The following INPP4B variants were observed in gnomAD, a reference collection of about 807,000 sequenced individuals.
The protein encoded by INPP4B is inositol polyphosphate-4-phosphatase type II B.
INPP4B carries 55 observed loss-of-function variants against 122.5 expected under a neutral mutation model. The observed-to-expected ratio is 0.45, with a 90% CI of 0.36 to 0.56. The LOEUF is 0.56. Ranked by LOEUF, INPP4B falls within the 20% of genes least tolerant of loss-of-function variation. INPP4B has a pLI of 0.00. For missense variants in INPP4B, 1,000 were observed against 1,097.7 expected (o/e 0.91, Z 1.26); for synonymous variants, 403 against 388.7 (o/e 1.04, Z -0.43).
rs182031523 is a variant in INPP4B, at chr4:142,798,877, A to T, written c.-254+47332T>A. Reference sequence around the variant, plus strand: ...GTGTGTGTGTGTGTGTGTATAAAGTATACTAAAGTTATAGCCTTAACTAAT... The same window carrying T: ...GTGTGTGTGTGTGTGTGTATAAAGTTTACTAAAGTTATAGCCTTAACTAAT... On this transcript the variant is annotated intron_variant, in intron 1 of 25. Transcript: ENST00000262992. 5.2e-3 allele frequency among the ~76,000 whole-genome samples: 771 copies of T among 148,854 alleles called. 9 individuals carry two copies. Among genetic ancestry groups the T allele is most frequent in the African/African-American group, 0.018 (733 of 40,930 alleles).
chr4:142,207,007 A>G (rs757010807), intron 14 of INPP4B, among the ~76,000 whole-genome samples: 7 of 152,008 alleles, frequency 4.6e-5, no homozygotes, highest in Non-Finnish European at 1.0e-4. Context: ...TGCTTCTATG[A>G]GTTTGACTAT....
At chr4:142,310,275 C>T (rs1033398592) in intron 8 of INPP4B, among the ~76,000 whole-genome samples, 3 of 151,968 alleles carry the variant, frequency 2.0e-5, no homozygotes, top group Admixed American at 6.6e-5. Context: ...ATAAAATGCA[C>T]ACTGAATTTA....
chr4:142,335,945 C>A (rs1210510149), intron 7 of INPP4B, among the ~76,000 whole-genome samples: 1 of 152,176 alleles, frequency 6.6e-6, no homozygotes, highest in African/African-American at 2.4e-5. Flanking sequence ...GTACAGTCCA[C>A]GACCTAGTGA....
At chr4:142,489,544 C>T (rs1199778866) in intron 2 of INPP4B, among the ~76,000 whole-genome samples, 1 of 152,124 alleles carries the variant, frequency 6.6e-6, no homozygotes, top group Non-Finnish European at 1.5e-5. Context: ...CAGGTATGTG[C>T]CACTACGCTC....
chr4:142,467,071 C>A (rs1817925983), intron 2 of INPP4B, among the ~76,000 whole-genome samples: 1 of 152,148 alleles, frequency 6.6e-6, no homozygotes, highest in Admixed American at 6.5e-5. Context: ...AGTGCAGAAC[C>A]CTAACAGAGA....
chr4:142,614,205 G>C lies in INPP4B; in HGVS notation c.-191+111634C>G, dbSNP rs551671654. On this transcript the variant is annotated intron_variant, in intron 2 of 25. Coordinates refer to ENST00000262992, the MANE Select transcript of INPP4B (RefSeq NM_001101669.3). ...TGCACTCCAGCCAACATGGGTGACA[G>C]AGCAAGACTCTGTCTCAAAACAAAC... 1.2e-4 allele frequency among the ~76,000 whole-genome samples: 19 copies of C among 152,226 alleles called. 1 individual carries two copies. In the South Asian group the frequency reaches 3.9e-3, roughly 32 times the overall value.
rs896690067 is a variant in INPP4B, at chr4:142,763,780, G to A, written c.-253-37879C>T. On this transcript the variant is annotated intron_variant, in intron 1 of 25. Transcript: ENST00000262992. ...AATTTTTATGCCATACATCTCTGTG[G>A]TTAGGAAATTTTCTAAAGACAAAAT... Among the ~76,000 whole-genome samples the A allele has an allele frequency of 1.3e-4, 20 of 152,138 alleles. No homozygotes were observed. In the South Asian group the frequency reaches 3.9e-3, roughly 30 times the overall value.
At chr4:142,671,056 T>C (rs112372322) in intron 2 of INPP4B, among the ~76,000 whole-genome samples, 5 of 152,232 alleles carry the variant, frequency 3.3e-5, no homozygotes, top group African/African-American at 9.6e-5. Context: ...AACTAGCTCT[T>C]AAATTTTGCC....
intron 5 of INPP4B, chr4:142,427,181 T>C (rs140071588): frequency 1.4e-4 from 28 of 199,496 alleles, no homozygotes; most frequent in African/African-American, 6.2e-4. Context: ...TAAAAAATTC[T>C]TCAAGAAATG....
chr4:142,495,787 T>C (rs2149799024), intron 2 of INPP4B, among the ~76,000 whole-genome samples: 1 of 152,304 alleles, frequency 6.6e-6, no homozygotes, highest in Middle Eastern at 3.4e-3. Context: ...CAGAATGTAT[T>C]GAATTATAAA....
At chr4:142,772,200 GTCAT>G (rs1420805328) in intron 1 of INPP4B, among the ~76,000 whole-genome samples, 1 of 152,128 alleles carries the variant, frequency 6.6e-6, no homozygotes, top group Non-Finnish European at 1.5e-5. Flanking sequence ...CCCGAAATGT[GTCAT>G]TCATTCAATT....
intron 25 of INPP4B, among the ~76,000 whole-genome samples, chr4:142,075,578 G>T (rs1770198612): frequency 6.6e-6 from 1 of 151,934 alleles, no homozygotes; most frequent in South Asian, 2.1e-4. Context: ...CGAAGACCAG[G>T]AGAACTTCCC....
At chr4:142,155,234 A>G (rs1816572737) in intron 17 of INPP4B, among the ~76,000 whole-genome samples, 1 of 152,124 alleles carries the variant, frequency 6.6e-6, no homozygotes, top group Non-Finnish European at 1.5e-5. Flanking sequence ...CCTTCTTATT[A>G]AGATCAGGAC....
intron 7 of INPP4B, among the ~76,000 whole-genome samples, chr4:142,371,922 C>T (rs1439813786): frequency 2.6e-5 from 4 of 151,538 alleles, no homozygotes; most frequent in African/African-American, 7.3e-5. Flanking sequence ...ACCAGCAGTC[C>T]ACTACTGTTA....
intron 2 of INPP4B, among the ~76,000 whole-genome samples, chr4:142,539,361 C>T: frequency 6.6e-6 from 1 of 152,020 alleles, no homozygotes. Flanking sequence ...TGTGTTTAGT[C>T]AACCAACCCA....
At chr4:142,820,271 T>A (rs1780643201) in intron 1 of INPP4B, among the ~76,000 whole-genome samples, 2 of 152,146 alleles carry the variant, frequency 1.3e-5, no homozygotes, top group Non-Finnish European at 2.9e-5. Flanking sequence ...CACGAGTAGA[T>A]GCCCTCTCTG....
chr4:142,260,545 C>T lies in INPP4B; in HGVS notation c.635G>A (p.Cys212Tyr), dbSNP rs773882409. 8 of 1,581,324 alleles carry T rather than the reference C, an allele frequency of 5.1e-6. No homozygotes were observed. In the Admixed American group the frequency reaches 1.0e-4, roughly 21 times the overall value. ...QGQKCALVCE[C>Y]TAPESVSGKD... ...TCCGCTCACACTTTCCGGGGCTGTACATTCACATACCAGGGCACACTAGGA... is the reference window on the plus strand; with the variant it reads ...TCCGCTCACACTTTCCGGGGCTGTATATTCACATACCAGGGCACACTAGGA... Residue 212 changes from cysteine to tyrosine, a missense_variant, in exon 11 of 26, where the codon TGT (cysteine) becomes TAT (tyrosine). Physicochemically the swap from Cys to Tyr is radical, Grantham distance 194. Transcript: ENST00000262992.
At chr4:142,162,824 A>G (rs1414871800) in intron 16 of INPP4B, among the ~76,000 whole-genome samples, 1 of 151,924 alleles carries the variant, frequency 6.6e-6, no homozygotes, top group African/African-American at 2.4e-5. Context: ...AAGGCTTACA[A>G]TCTTAAACAT....
intron 25 of INPP4B, among the ~76,000 whole-genome samples, chr4:142,080,713 C>G (rs998247061): frequency 7.2e-5 from 11 of 152,178 alleles, no homozygotes; most frequent in South Asian, 4.2e-4. Flanking sequence ...AACAGGCACA[C>G]CAATTTCATC....
Sources: gnomAD v4.1 joint callset for allele counts (sites outside exome capture counted in the v4.1 genomes callset) on GRCh38, gnomAD v4.1.1 for gene constraint, MANE v1.5 for transcripts, NCBI Gene and HGNC (gene_info 2026-07-23, HGNC 2026-07-21) for gene names.